The following EPHA3 variants were observed in gnomAD, a reference collection of about 807,000 sequenced individuals.
EPHA3 encodes the protein EPH receptor A3.
EPHA3 carries 42 observed loss-of-function variants against 107.1 expected under a neutral mutation model. The observed-to-expected ratio is 0.39, with a 90% CI of 0.31 to 0.51. The LOEUF (loss-of-function observed/expected upper bound fraction) is 0.51, where lower values mean the gene tolerates loss of function less well. EPHA3 is among the 20% of genes least tolerant of loss of function. EPHA3 has a pLI of 0.78. For missense variants in EPHA3, 1,183 were observed against 1,211.2 expected (o/e 0.98, Z 0.35); for synonymous variants, 461 against 424.8 (o/e 1.09, Z -1.05).
chr3:89,365,775 A>T (rs528312121), intron 5 of EPHA3, among the ~76,000 whole-genome samples: 2 of 150,762 alleles, frequency 1.3e-5, no homozygotes, highest in East Asian at 3.9e-4. Flanking sequence ...ATGTCCTTGA[A>T]TAGGGTCTCT....
chr3:89,190,533 A>G (rs577997431), intron 2 of EPHA3, among the ~76,000 whole-genome samples: 1 of 152,324 alleles, frequency 6.6e-6, no homozygotes, highest in Non-Finnish European at 1.5e-5. Context: ...GGGTGGTTTA[A>G]ACAAAAGAAG....
chr3:89,135,113 T>G (rs1704284167), intron 2 of EPHA3, among the ~76,000 whole-genome samples: 1 of 152,180 alleles, frequency 6.6e-6, no homozygotes. Flanking sequence ...TAATTTTTAG[T>G]GATGAGAATG....
chr3:89,269,243 AG>A (rs778432514), intron 3 of EPHA3, among the ~76,000 whole-genome samples: 2 of 152,132 alleles, frequency 1.3e-5, no homozygotes, highest in Non-Finnish European at 2.9e-5. Context: ...ACTGAGGCAC[AG>A]AGACTTTATT....
At chr3:89,411,010 A>T (rs1460354002) in intron 9 of EPHA3, among the ~76,000 whole-genome samples, 1 of 151,906 alleles carries the variant, frequency 6.6e-6, no homozygotes, top group Non-Finnish European at 1.5e-5. Flanking sequence ...GACATTTCTA[A>T]GTCTAAATTC....
intron 5 of EPHA3, among the ~76,000 whole-genome samples, chr3:89,394,203 G>A (rs1053084222): frequency 2.6e-5 from 4 of 152,132 alleles, no homozygotes; most frequent in Non-Finnish European, 5.9e-5. Flanking sequence ...TTGAGCCCAG[G>A]AGTTCAGGAT....
chr3:89,450,351 A>G lies in EPHA3; in HGVS notation c.2671A>G (p.Ile891Val), dbSNP rs367573076. ...LIRNPGSLKI[I>V]TSAAARPSNL... ...CCGGAATCCCGGCAGCCTGAAGATCATCACCAGTGCAGCCGCAAGGTGACA... is the reference window on the plus strand; with the variant it reads ...CCGGAATCCCGGCAGCCTGAAGATCGTCACCAGTGCAGCCGCAAGGTGACA... The change falls in exon 15 of 17, where the codon ATC (isoleucine) becomes GTC (valine). Residue 891 changes from isoleucine to valine, a missense_variant. By Grantham distance (29) the Ile-to-Val change is conservative. Transcript: ENST00000336596. 25 of 1,613,434 alleles carry G rather than the reference A, an allele frequency of 1.5e-5. No individual in the cohort carries two copies. The highest frequency in any genetic ancestry group is 2.0e-5 in the Non-Finnish European group (24 of 1,179,742).
intron 10 of EPHA3, among the ~76,000 whole-genome samples, chr3:89,415,491 T>TATATATAA (rs1336536691): frequency 6.8e-6 from 1 of 146,574 alleles, no homozygotes; most frequent in Admixed American, 6.9e-5. Context: ...TATATATATA[T>TATATATAA]AAGCTAATTC....
chr3:89,310,009 T>G (rs992160863), intron 3 of EPHA3, among the ~76,000 whole-genome samples: 1 of 152,024 alleles, frequency 6.6e-6, no homozygotes, highest in African/African-American at 2.4e-5. Flanking sequence ...TTAAGATTCT[T>G]ATACCAAGTC....
chr3:89,132,544 T>A (rs1704228798), intron 2 of EPHA3, among the ~76,000 whole-genome samples: 2 of 152,202 alleles, frequency 1.3e-5, no homozygotes, highest in South Asian at 4.1e-4. Flanking sequence ...TTCCATTCTA[T>A]CTCTACCACT....
intron 9 of EPHA3, among the ~76,000 whole-genome samples, chr3:89,412,809 C>T (rs1483285942): frequency 6.6e-6 from 1 of 151,732 alleles, no homozygotes; most frequent in African/African-American, 2.4e-5. Context: ...CTCACTGTTG[C>T]TCCTGGTAGT....
chr3:89,366,752 G>A (rs1449249970), intron 5 of EPHA3, among the ~76,000 whole-genome samples: 3 of 150,550 alleles, frequency 2.0e-5, no homozygotes, highest in Non-Finnish European at 4.5e-5. Context: ...CTCTGTTTTT[G>A]CCCTCTCACT....
At chr3:89,429,040 T>A (rs1709510013) in intron 11 of EPHA3, 66 bp from the exon 12 acceptor site, 1 of 1,105,702 alleles carries the variant, frequency 9.0e-7, no homozygotes, top group Non-Finnish European at 1.3e-6. Flanking sequence ...CCAACTATAT[T>A]ATATATGTTC....
chr3:89,419,102 C>A (rs546367064), intron 10 of EPHA3, 103 bp from the exon 11 acceptor site: 5 of 1,251,994 alleles, frequency 4.0e-6, no homozygotes, highest in Admixed American at 5.0e-5. Context: ...GTCAAAGGCA[C>A]AAATATTTTA....
chr3:89,438,101 T>C lies in EPHA3; in HGVS notation c.2346+6742T>C, dbSNP rs1475382134. On this transcript the variant is annotated intron_variant, in intron 13 of 16. Coordinates refer to ENST00000336596, the MANE Select transcript of EPHA3 (RefSeq NM_005233.6). Reference sequence around the variant, plus strand: ...TTTGTTTGATTTCATTTTTGTTTTTTTGTTTTGTTTTGTTTTGTTTTTTTT... The same window carrying C: ...TTTGTTTGATTTCATTTTTGTTTTTCTGTTTTGTTTTGTTTTGTTTTTTTT... Among the ~76,000 whole-genome samples, 3 of 152,124 alleles carry C rather than the reference T, an allele frequency of 2.0e-5. No homozygotes were observed. The South Asian group carries it at 6.2e-4, about 32-fold the overall frequency.
At chr3:89,349,626 A>C (rs2107438594) in intron 5 of EPHA3, among the ~76,000 whole-genome samples, 1 of 138,628 alleles carries the variant, frequency 7.2e-6, no homozygotes, top group East Asian at 2.1e-4. Flanking sequence ...ATTTAAAGTT[A>C]ATATTGTTAT....
At chr3:89,158,559 G>A (rs772105884) in intron 2 of EPHA3, among the ~76,000 whole-genome samples, 4 of 152,110 alleles carry the variant, frequency 2.6e-5, no homozygotes, top group Non-Finnish European at 5.9e-5. Flanking sequence ...TAAAATAAAT[G>A]TACAGGATGC....
At chr3:89,107,946 G>A in intron 1 of EPHA3, 110 bp downstream of exon 1, 1 of 995,394 alleles carries the variant, frequency 1.0e-6, no homozygotes, top group Non-Finnish European at 1.5e-6. Context: ...GAATAGAGCA[G>A]TTTGCTCTGA....
At chr3:89,181,116 TCTC>T (rs1705433750) in intron 2 of EPHA3, among the ~76,000 whole-genome samples, 2 of 152,056 alleles carry the variant, frequency 1.3e-5, no homozygotes, top group Admixed American at 6.6e-5. Flanking sequence ...ACTTAAGTAA[TCTC>T]CTAGTTTTAT....
At chr3:89,181,843 T>C (rs1332239523) in intron 2 of EPHA3, among the ~76,000 whole-genome samples, 2 of 151,972 alleles carry the variant, frequency 1.3e-5, no homozygotes, top group Non-Finnish European at 2.9e-5. Context: ...TGAGTGAAAG[T>C]CTTCAAAGTA....
Sources: gnomAD v4.1 joint callset for allele counts (sites outside exome capture counted in the v4.1 genomes callset) on GRCh38, gnomAD v4.1.1 for gene constraint, MANE v1.5 for transcripts, NCBI Gene and HGNC (gene_info 2026-07-23, HGNC 2026-07-21) for gene names.